OTUD3: variants seen among roughly 807,000 people sequenced by gnomAD.
OTUD3 encodes OTU deubiquitinase 3.
Under a neutral mutation model 46.2 loss-of-function variants are expected in OTUD3, and 24 were observed. The ratio of observed to expected loss-of-function variants is 0.52; its 90% CI spans 0.38 to 0.73. OTUD3 has a LOEUF of 0.73. Among genes scored for constraint, OTUD3 ranks in the 30% least tolerant of loss-of-function variants. The pLI, the probability that OTUD3 is intolerant of heterozygous loss-of-function variation, is 0.00. For synonymous variants in OTUD3, 189 were observed against 195.4 expected (o/e 0.97, Z 0.27); for missense variants, 455 against 523.3 (o/e 0.87, Z 1.27).
chr1:19,904,466 T>G (rs569316684), intron 5 of OTUD3, 68 bp downstream of exon 5: 2 of 1,445,864 alleles, frequency 1.4e-6, no homozygotes, highest in African/African-American at 2.8e-5. Flanking sequence ...ACTTCTTAGT[T>G]TCGTAGCACC....
At chr1:19,907,009 G>A (rs1302422771) in intron 7 of OTUD3, 1 of 172,030 alleles carries the variant, frequency 5.8e-6, no homozygotes, top group Non-Finnish European at 1.2e-5. Context: ...GAAGAGGAAT[G>A]AACAGGTTAA....
chr1:19,902,048 C>T (rs1305388310), intron 4 of OTUD3, among the ~76,000 whole-genome samples: 5 of 152,166 alleles, frequency 3.3e-5, no homozygotes, highest in African/African-American at 1.2e-4. Context: ...ATTGCTGGGT[C>T]ATATGATAAA....
intron 4 of OTUD3, among the ~76,000 whole-genome samples, chr1:19,899,636 G>T (rs988818997): frequency 6.6e-6 from 1 of 152,182 alleles, no homozygotes; most frequent in Non-Finnish European, 1.5e-5. Flanking sequence ...GAAGGTCCTT[G>T]CCACATCAGA....
At chr1:19,887,082 C>CTTTTTTTTTTT (rs35763768) in intron 1 of OTUD3, among the ~76,000 whole-genome samples, 1 of 133,480 alleles carries the variant, frequency 7.5e-6, no homozygotes, top group African/African-American at 2.8e-5. Flanking sequence ...TTTTCTTTTT[C>CTTTTTTTTTTT]TTTTTTTTTT....
At chr1:19,897,444 C>A in intron 3 of OTUD3, 96 bp from the exon 4 acceptor site, 2 of 1,320,714 alleles carry the variant, frequency 1.5e-6, no homozygotes, top group Non-Finnish European at 1.1e-6. Flanking sequence ...CATAGACCTG[C>A]TGACTGGGCT....
chr1:19,912,910 G>A lies in OTUD3; in HGVS notation c.*5164G>A, dbSNP rs1022525481. 1.3e-5 allele frequency: 2 copies of A among 152,320 alleles called. No homozygotes were observed. Among genetic ancestry groups the A allele is most frequent in the Non-Finnish European group, 2.9e-5 (2 of 68,040 alleles). 9.4% of individuals were successfully genotyped at this position (152,320 alleles called of 1,614,324 possible). ...TGTGCCACTTTATCTATGAAATGGA[G>A]TTTTGTATACCAATAAATTCTAGTT... On this transcript the variant is annotated 3_prime_UTR_variant, in exon 8 of 8. Transcript: ENST00000375120.
intron 4 of OTUD3, chr1:19,897,898 G>T: frequency 3.2e-6 from 1 of 310,546 alleles, no homozygotes; most frequent in South Asian, 9.4e-5. Context: ...ATGTGTATAA[G>T]ATACATGGAA....
At chr1:19,896,726 A>G (rs1411780030) in intron 3 of OTUD3, among the ~76,000 whole-genome samples, 4 of 152,204 alleles carry the variant, frequency 2.6e-5, no homozygotes, top group Non-Finnish European at 5.9e-5. Context: ...TGGGCTTTCT[A>G]AGGGACAAAG....
At chr1:19,907,440 G>T in intron 7 of OTUD3, 130 bp from the exon 8 acceptor site, 1 of 716,504 alleles carries the variant, frequency 1.4e-6, no homozygotes, top group Non-Finnish European at 2.3e-6. Context: ...AATCATCTTT[G>T]GCGTCTTAGA....
chr1:19,904,253 CTTG>C lies in OTUD3; in HGVS notation c.607-11_607-9del, dbSNP rs2045628602. On this transcript the variant is annotated splice_polypyrimidine_tract_variant and intron_variant, in intron 4 of 7. Transcript: ENST00000375120. ...TCTCAACATAGTTCCCTGATTATTA[CTTG>C]TTTCCTTTAGTTTCAGATGCTTCAT... 3.8e-6 allele frequency: 6 copies of C among 1,579,860 alleles called. No individual in the cohort carries two copies. The highest frequency in any genetic ancestry group is 3.7e-5 in the Admixed American group (2 of 53,750).
chr1:19,898,677 G>A (rs552621175), intron 4 of OTUD3, among the ~76,000 whole-genome samples: 4 of 147,642 alleles, frequency 2.7e-5, no homozygotes, highest in African/African-American at 7.5e-5. Context: ...GCAGTGAGTC[G>A]ACATAGCACC....
At chr1:19,890,589 TCCACTG>T in intron 2 of OTUD3, 56 bp downstream of exon 2, 6 of 1,420,800 alleles carry the variant, frequency 4.2e-6, no homozygotes, top group Non-Finnish European at 6.0e-6. Context: ...GGTAATTAAG[TCCACTG>T]GCATCCTCCC....
At chr1:19,898,999 T>A (rs987070976) in intron 4 of OTUD3, among the ~76,000 whole-genome samples, 2 of 152,064 alleles carry the variant, frequency 1.3e-5, no homozygotes, top group Non-Finnish European at 2.9e-5. Flanking sequence ...TTTGCAGAGA[T>A]GAAGTTTTGC....
chr1:19,883,197 C>T (rs376418028), intron 1 of OTUD3, among the ~76,000 whole-genome samples: 1 of 152,152 alleles, frequency 6.6e-6, no homozygotes, highest in East Asian at 1.9e-4. Flanking sequence ...GGGTGGTGCC[C>T]CCATTTACAT....
At chr1:19,898,785 A>G (rs951753247) in intron 4 of OTUD3, among the ~76,000 whole-genome samples, 1 of 151,810 alleles carries the variant, frequency 6.6e-6, no homozygotes, top group Non-Finnish European at 1.5e-5. Flanking sequence ...GTTTTTACAC[A>G]TGATCCAAAA....
rs2045638592 is a variant in OTUD3 at position 19,904,978 on chromosome 1, A to G, written c.826A>G (p.Lys276Glu). ...IIAVLRMNQGKRNNAEENLEP... is the reference protein window; with the variant it reads ...IIAVLRMNQGERNNAEENLEP... Reference sequence around the variant, plus strand: ...TGCCGTGCTTCGGATGAACCAAGGGAAGAGAAATAGTAAGTCCATGACTAA... The same window carrying G: ...TGCCGTGCTTCGGATGAACCAAGGGGAGAGAAATAGTAAGTCCATGACTAA... Residue 276 changes from lysine to glutamate, a missense_variant, in exon 6 of 8, where the codon AAG becomes GAG. Coordinates refer to ENST00000375120, the MANE Select transcript of OTUD3 (RefSeq NM_015207.2). 1 of 1,522,254 alleles carries G rather than the reference A, an allele frequency of 6.6e-7. No homozygotes were observed. Among genetic ancestry groups the G allele is most frequent in the African/African-American group, 1.4e-5 (1 of 72,980 alleles). The allele number at this position is 1,522,254 out of a possible 1,614,324, so 94.3% of individuals were successfully genotyped here. A position where few individuals can be genotyped will look rare whatever the true frequency, so the allele number is the denominator to read the frequency against.
chr1:19,911,221 A>G lies in OTUD3; in HGVS notation c.*3475A>G, dbSNP rs564881613. ...TCTTACCTCAAGGCTCTGTCTAGCC[A>G]TGTTAAATCTTTAGACTCAGTCTGA... On this transcript the variant is annotated 3_prime_UTR_variant, in exon 8 of 8. Transcript: ENST00000375120. 5 of 152,376 alleles carry G rather than the reference A, an allele frequency of 3.3e-5. No individual in the cohort carries two copies. In the East Asian group the frequency reaches 7.5e-4, roughly 23 times the overall value. The allele number at this position is 152,376 out of a possible 1,614,324, so 9.4% of individuals were successfully genotyped here. A position where few individuals can be genotyped will look rare whatever the true frequency, so the allele number is the denominator to read the frequency against.
Position 19,908,294 on chromosome 1 carries a change from A to G in OTUD3, c.*548A>G, listed in dbSNP as rs2045690549. On this transcript the variant is annotated 3_prime_UTR_variant, in exon 8 of 8. Coordinates refer to ENST00000375120, the MANE Select transcript of OTUD3 (RefSeq NM_015207.2). ...AAAATAATTCAGGAATTGTTTTCCC[A>G]AAGTTACGTGAGGGTTGTGGCCTGC... 3.3e-5 allele frequency: 5 copies of G among 152,344 alleles called. No individual in the cohort carries two copies. The highest frequency in any genetic ancestry group is 3.3e-4 in the Admixed American group (5 of 15,280). 9.4% of individuals were successfully genotyped at this position (152,344 alleles called of 1,614,324 possible). A position where few individuals can be genotyped will look rare whatever the true frequency, so the allele number is the denominator to read the frequency against.
At chr1:19,893,850 A>T (rs1299206430) in intron 2 of OTUD3, among the ~76,000 whole-genome samples, 1 of 152,228 alleles carries the variant, frequency 6.6e-6, no homozygotes, top group East Asian at 1.9e-4. Flanking sequence ...GGGCAAATTG[A>T]TGGAGTGGCT....
Sources: allele counts gnomAD v4.1 joint callset (sites outside exome capture counted in the v4.1 genomes callset), GRCh38; gene constraint gnomAD v4.1.1; transcripts MANE v1.5; gene names NCBI Gene and HGNC (gene_info 2026-07-23, HGNC 2026-07-21).